Variants in DERA observed in about 807,000 individuals in gnomAD.
DERA encodes deoxyribose-phosphate aldolase.
Under a neutral mutation model 41.1 loss-of-function variants are expected in DERA, and 15 were observed. That is an observed-to-expected ratio of 0.37 (90% CI 0.24 to 0.56). The LOEUF (loss-of-function observed/expected upper bound fraction) is 0.56. Ranked by LOEUF, DERA falls within the 20% of genes least tolerant of loss-of-function variation. The probability of loss-of-function intolerance (pLI) is 0.81; values close to 1 mark genes in which losing one functional copy is unlikely to be tolerated. For missense variants in DERA, 396 were observed against 403.4 expected, an observed-to-expected ratio of 0.98 and a Z score of 0.16; for synonymous variants, 139 against 137.4, an observed-to-expected ratio of 1.01 and a Z score of -0.08.
rs745889898 is a variant in DERA at position 16,036,390 on chromosome 12, T to A, written c.900+9T>A. On this transcript the variant is annotated intron_variant, in intron 8 of 8. Transcript: ENST00000428559. The surrounding 1 kb of genome is among the most constrained non-coding windows in gnomAD (Gnocchi z 4.9). ...CGGACATTGAGAGGCAGGTGAGTAA[T>A]CATCTCTGTCTTTGGAATAAATTAA... 6.3e-7 allele frequency: 1 copy of A among 1,580,830 alleles called. No individual in the cohort carries two copies. The highest frequency in any genetic ancestry group is 2.3e-5 in the East Asian group (1 of 44,160).
chr12:15,929,994 A>G (rs1242495130), intron 1 of DERA, among the ~76,000 whole-genome samples: 3 of 152,154 alleles, frequency 2.0e-5, no homozygotes, highest in Non-Finnish European at 4.4e-5. Context: ...TCTACCTATA[A>G]TTTTTGAGTT....
At position 15,915,544 on chromosome 12, in the gene DERA, C is replaced by G. The variant is rs1948192804; in HGVS notation, c.31+4130C>G. ...TCCTAGCCTCAAGTGATACTCCAGC[C>G]TCTGCCTCCCAAAGTGCTAGGATTA... is the stretch of plus-strand genomic sequence containing the variant. On this transcript the variant is annotated intron_variant, in intron 1 of 8. Coordinates refer to ENST00000428559, the MANE Select transcript of DERA (RefSeq NM_015954.4). The surrounding 1 kb of genome is among the most constrained non-coding windows in gnomAD (Gnocchi z 4.8). Among the ~76,000 whole-genome samples the G allele has an allele frequency of 6.6e-6, 1 of 152,224 alleles. No individual in the cohort carries two copies. Among genetic ancestry groups the G allele is most frequent in the Non-Finnish European group, 1.5e-5 (1 of 68,042 alleles).
intron 1 of DERA, among the ~76,000 whole-genome samples, chr12:15,927,259 C>A (rs1488220987): frequency 1.3e-5 from 2 of 152,170 alleles, no homozygotes; most frequent in South Asian, 2.1e-4. Flanking sequence ...CTCCTCCCAA[C>A]AATTTTATTC....
At chr12:15,923,968 A>T (rs1196315673) in intron 1 of DERA, among the ~76,000 whole-genome samples, 1 of 152,214 alleles carries the variant, frequency 6.6e-6, no homozygotes, top group Non-Finnish European at 1.5e-5. Context: ...ATTTCATGAA[A>T]AGTATATAAT....
In DERA at chr12:15,943,872, TC is replaced by T. The variant is rs1290176569; in HGVS notation, c.32-13058del. Among the ~76,000 whole-genome samples, 1 of 107,052 alleles carries T rather than the reference TC, an allele frequency of 9.3e-6. No individual in the cohort carries two copies. Among genetic ancestry groups the T allele is most frequent in the Admixed American group, 1.0e-4 (1 of 9,526 alleles). The allele number at this position is 107,052 out of a possible 152,430, so 70.2% of individuals were successfully genotyped here. ...TACGTATTTCTCCTAATGCTATCCC[TC>T]CCCCCTCCCCCCACCCCACGACAGA... On this transcript the variant is annotated intron_variant, in intron 1 of 8. Coordinates refer to ENST00000428559, the MANE Select transcript of DERA (RefSeq NM_015954.4). This position sits in a 1 kb window ranked among gnomAD's most constrained non-coding sequence, Gnocchi z 4.5.
rs755946726 is a variant in DERA, at chr12:16,000,279, G to A, written c.637+17843G>A. ...TTGCAGAACATAGCGCAGTCTAACC[G>A]CTTTTCCTCTACTTTTCTGTTCTTG... is the stretch of plus-strand genomic sequence containing the variant. On this transcript the variant is annotated intron_variant, in intron 6 of 8. Coordinates refer to ENST00000428559, the MANE Select transcript of DERA (RefSeq NM_015954.4). The surrounding 1 kb of genome is among the most constrained non-coding windows in gnomAD (Gnocchi z 4.8). Among the ~76,000 whole-genome samples, 9 of 152,262 alleles carry A rather than the reference G, an allele frequency of 5.9e-5. No individual in the cohort carries two copies. Among genetic ancestry groups the A allele is most frequent in the South Asian group, 4.2e-4 (2 of 4,812 alleles).
chr12:15,945,162 G>C (rs1386260510), intron 1 of DERA, among the ~76,000 whole-genome samples: 3 of 152,126 alleles, frequency 2.0e-5, no homozygotes, highest in Admixed American at 2.0e-4. Flanking sequence ...GTCAGGTAGC[G>C]TGATACCTCC....
At position 15,982,258 on chromosome 12, in the gene DERA, A is replaced by G; in HGVS notation, c.509-50A>G. The G allele has an allele frequency of 6.3e-7, 1 of 1,574,820 alleles. No homozygotes were observed. The highest frequency in any genetic ancestry group is 8.6e-7 in the Non-Finnish European group (1 of 1,162,694). On this transcript the variant is annotated intron_variant, in intron 5 of 8. Transcript: ENST00000428559. The surrounding 1 kb of genome is among the most constrained non-coding windows in gnomAD (Gnocchi z 4.0). ...ACCAGCTCTAAACGGCTGCCAAGTT[A>G]TGTTATCACTTGCCTGCTTTGTAAC... is the stretch of plus-strand genomic sequence containing the variant.
Position 15,980,023 on chromosome 12 carries a change from A to G in DERA, c.509-2285A>G, listed in dbSNP as rs373558582. On this transcript the variant is annotated intron_variant, in intron 5 of 8. Transcript: ENST00000428559. ...GTCTGATGGCTCACTGATTGTAAGC[A>G]GTAATCCAACAGAACTTTGGTTACT... Among the ~76,000 whole-genome samples the G allele has an allele frequency of 1.2e-4, 18 of 152,374 alleles. No homozygotes were observed. The South Asian group carries it at 3.3e-3, about 28-fold the overall frequency.
At chr12:15,968,422 G>T (rs1313723439) in intron 5 of DERA, among the ~76,000 whole-genome samples, 1 of 152,152 alleles carries the variant, frequency 6.6e-6, no homozygotes, top group Non-Finnish European at 1.5e-5. Context: ...CCCTGGGATG[G>T]CTGTGCTCTC....
chr12:16,028,133 A>G (rs1949064986), intron 6 of DERA, among the ~76,000 whole-genome samples: 1 of 152,238 alleles, frequency 6.6e-6, no homozygotes, highest in African/African-American at 2.4e-5. Flanking sequence ...TTCCAATACC[A>G]TTCTCCAGTA....
chr12:15,948,188 T>C, intron 1 of DERA, among the ~76,000 whole-genome samples: 1 of 152,194 alleles, frequency 6.6e-6, no homozygotes, highest in Non-Finnish European at 1.5e-5. Context: ...GTCTTGGAGT[T>C]GCTCTTCTCG....
Position 15,954,893 on chromosome 12 carries a change from T to G in DERA, c.32-2043T>G, listed in dbSNP as rs1948526073. On this transcript the variant is annotated intron_variant, in intron 1 of 8. Transcript: ENST00000428559. The surrounding 1 kb of genome is among the most constrained non-coding windows in gnomAD (Gnocchi z 4.0). ...CTTTTTGATCACGGTCAACAATTAGTTGGCAGTGAGTCTTGGAGTTCACAT... is the reference window on the plus strand; with the variant it reads ...CTTTTTGATCACGGTCAACAATTAGGTGGCAGTGAGTCTTGGAGTTCACAT... Among the ~76,000 whole-genome samples, 1 of 152,104 alleles carries G rather than the reference T, an allele frequency of 6.6e-6. No homozygotes were observed. Among genetic ancestry groups the G allele is most frequent in the Non-Finnish European group, 1.5e-5 (1 of 68,024 alleles).
chr12:16,028,344 TA>T (rs1949067241), intron 6 of DERA, among the ~76,000 whole-genome samples: 1 of 152,168 alleles, frequency 6.6e-6, no homozygotes, highest in Non-Finnish European at 1.5e-5. Flanking sequence ...ATAAAATAAA[TA>T]AGGTAGTGAG....
rs998668746 is a variant in DERA at position 16,021,144 on chromosome 12, T to C, written c.638-11398T>C. On this transcript the variant is annotated intron_variant, in intron 6 of 8. Coordinates refer to ENST00000428559, the MANE Select transcript of DERA (RefSeq NM_015954.4). This position sits in a 1 kb window ranked among gnomAD's most constrained non-coding sequence, Gnocchi z 5.3. ...ATATATAAGACTGTGGGGAAAAGAC[T>C]TGAAGGCATTTCAGAGGTCTTCGAA... Among the ~76,000 whole-genome samples, 2 of 152,200 alleles carry C rather than the reference T, an allele frequency of 1.3e-5. No homozygotes were observed. Among genetic ancestry groups the C allele is most frequent in the Admixed American group, 1.3e-4 (2 of 15,278 alleles).
chr12:15,949,527 C>A (rs575268909), intron 1 of DERA, among the ~76,000 whole-genome samples: 1 of 152,174 alleles, frequency 6.6e-6, no homozygotes, highest in Non-Finnish European at 1.5e-5. Context: ...CCTGGTGTGC[C>A]GTTTGCTAAG....
chr12:15,932,888 T>G (rs1221616903), intron 1 of DERA, among the ~76,000 whole-genome samples: 1 of 150,964 alleles, frequency 6.6e-6, no homozygotes, highest in African/African-American at 2.4e-5. Flanking sequence ...TCTACTCTGT[T>G]TCTATGAATT....
chr12:16,008,667 G>T lies in DERA; in HGVS notation c.638-23875G>T, dbSNP rs1450230414. Among the ~76,000 whole-genome samples, 1 of 152,216 alleles carries T rather than the reference G, an allele frequency of 6.6e-6. No individual in the cohort carries two copies. Among genetic ancestry groups the T allele is most frequent in the Non-Finnish European group, 1.5e-5 (1 of 68,030 alleles). On this transcript the variant is annotated intron_variant, in intron 6 of 8. Transcript: ENST00000428559. The surrounding 1 kb of genome is among the most constrained non-coding windows in gnomAD (Gnocchi z 4.8). ...AAATTGTTTTTTCTTGTGTAAGAAG[G>T]AACTCTGAGGTGTAGCCAGTCACCG...
In DERA at chr12:15,992,538, A is replaced by C. The variant is rs896436607; in HGVS notation, c.637+10102A>C. On this transcript the variant is annotated intron_variant, in intron 6 of 8. Coordinates refer to ENST00000428559, the MANE Select transcript of DERA (RefSeq NM_015954.4). The surrounding 1 kb of genome is among the most constrained non-coding windows in gnomAD (Gnocchi z 4.3). Reference sequence around the variant, plus strand: ...ATTGATCTTCCATGTACATTAGTGGAAATGTGGTAAGGGAAGTACAAATAC... The same window carrying C: ...ATTGATCTTCCATGTACATTAGTGGCAATGTGGTAAGGGAAGTACAAATAC... 1.3e-5 allele frequency among the ~76,000 whole-genome samples: 2 copies of C among 152,142 alleles called. No homozygotes were observed. Among genetic ancestry groups the C allele is most frequent in the African/African-American group, 4.8e-5 (2 of 41,434 alleles).
Sources: gnomAD v4.1 joint callset for allele counts (sites outside exome capture counted in the v4.1 genomes callset) on GRCh38, gnomAD v4.1.1 for gene constraint, Gnocchi (gnomAD v3.1) non-coding constraint, MANE v1.5 for transcripts, NCBI Gene and HGNC (gene_info 2026-07-23, HGNC 2026-07-21) for gene names.